Variants in FAM133B observed in about 807,000 individuals in gnomAD.
FAM133B encodes protein FAM133B.
FAM133B carries 25 observed loss-of-function variants against 46.4 expected under a neutral mutation model. The ratio of observed to expected loss-of-function variants is 0.54; its 90% confidence interval spans 0.39 to 0.75. The LOEUF (loss-of-function observed/expected upper bound fraction) is 0.75. FAM133B is among the 30% of genes least tolerant of loss of function. The pLI, the probability that FAM133B is intolerant of heterozygous loss-of-function variation, is 0.00. For missense variants in FAM133B, 205 were observed against 277.6 expected (o/e 0.74, Z 1.86); for synonymous variants, 75 against 86.0 (o/e 0.87, Z 0.71).
intron 9 of FAM133B, among the ~76,000 whole-genome samples, chr7:92,567,633 C>T (rs1427464035): frequency 6.6e-6 from 1 of 152,196 alleles, no homozygotes. Flanking sequence ...AGCAGATGTA[C>T]TACATCTATA....
intron 1 of FAM133B, among the ~76,000 whole-genome samples, chr7:92,585,838 A>G (rs1023446778): frequency 2.6e-5 from 4 of 152,248 alleles, no homozygotes; most frequent in African/African-American, 7.2e-5. Context: ...CGTAAACATT[A>G]TTATAGTAAT....
In FAM133B at chr7:92,579,330, TC is replaced by T; in HGVS notation, c.187del (p.Glu63LysfsTer3). On this transcript the variant is annotated frameshift_variant, in exon 3 of 11. Coordinates refer to ENST00000445716, the MANE Select transcript of FAM133B (RefSeq NM_152789.4). LOFTEE classifies it high-confidence loss of function. ...CTTTTTACAAACCTCATTCATTTTT[TC>T]TTCAAATTCAGCCAAAGCCTTGGAG... ...KGSKALAEFE[E>X]KMNENWKKEL... 6.2e-7 allele frequency: 1 copy of T among 1,609,622 alleles called. No individual in the cohort carries two copies.
chr7:92,579,213 C>G, intron 3 of FAM133B, 104 bp downstream of exon 3: 1 of 912,362 alleles, frequency 1.1e-6, no homozygotes, highest in South Asian at 1.6e-5. Flanking sequence ...TGGTCATGAA[C>G]TCCTGGCCTC....
At position 92,566,061 on chromosome 7, in the gene FAM133B, C is replaced by G. The variant is rs781392045; in HGVS notation, c.610G>C (p.Val204Leu). The change falls in exon 10 of 11, where the codon GTG (valine) becomes CTG (leucine). Residue 204 changes from valine to leucine, a missense_variant and splice_region_variant. Physicochemically the swap from Val to Leu is conservative, Grantham distance 32. Coordinates refer to ENST00000445716, the MANE Select transcript of FAM133B (RefSeq NM_152789.4). ...CTGCTTTTCTTCTTTTTTGCTCGCACCTAGAAAGTTTAAATTTTTGTGGAG... is the reference window on the plus strand; with the variant it reads ...CTGCTTTTCTTCTTTTTTGCTCGCAGCTAGAAAGTTTAAATTTTTGTGGAG... ...SLSESEYIEE[V>L]RAKKKKSSEE... 6.2e-7 allele frequency: 1 copy of G among 1,613,400 alleles called. No individual in the cohort carries two copies.
chr7:92,587,973 CT>C (rs932483504), intron 1 of FAM133B, among the ~76,000 whole-genome samples: 1 of 151,182 alleles, frequency 6.6e-6, no homozygotes, highest in African/African-American at 2.4e-5. Context: ...ACTAAAAATG[CT>C]TAAAAAAAAA....
At position 92,590,365 on chromosome 7, in the gene FAM133B, A is replaced by C; in HGVS notation, c.-74T>G. ...GAGACTGCCGAAGAGGGCCTGCCGC[A>C]GGTCCTCTTGCCGCCTCCCCACTCC... On this transcript the variant is annotated 5_prime_UTR_variant, in exon 1 of 11. Transcript: ENST00000445716. The C allele has an allele frequency of 6.2e-7, 1 of 1,606,816 alleles. No individual in the cohort carries two copies. Among genetic ancestry groups the C allele is most frequent in the Non-Finnish European group, 8.5e-7 (1 of 1,176,454 alleles).
intron 8 of FAM133B, among the ~76,000 whole-genome samples, chr7:92,572,852 T>C (rs552818161): frequency 1.3e-5 from 2 of 152,190 alleles, no homozygotes; most frequent in African/African-American, 2.4e-5. Context: ...GGAGAAATAA[T>C]TGTGGTGGAT....
intron 1 of FAM133B, chr7:92,581,926 A>G (rs1378056589): frequency 4.9e-6 from 1 of 204,464 alleles, no homozygotes; most frequent in Non-Finnish European, 9.9e-6. Context: ...TGTGAGGGTG[A>G]TAACAGTATG....
intron 10 of FAM133B, among the ~76,000 whole-genome samples, chr7:92,562,581 A>C (rs1362000684): frequency 6.6e-6 from 1 of 152,230 alleles, no homozygotes; most frequent in Non-Finnish European, 1.5e-5. Context: ...GAAACTCTTA[A>C]GTCATTAGCA....
intron 10 of FAM133B, among the ~76,000 whole-genome samples, chr7:92,563,770 G>C (rs1389826886): frequency 6.6e-6 from 1 of 152,094 alleles, no homozygotes; most frequent in East Asian, 1.9e-4. Flanking sequence ...CTGTCATTTT[G>C]CTTAGGTCAA....
chr7:92,578,452 TAC>T (rs1794767994), intron 3 of FAM133B, 59 bp from the exon 4 acceptor site: 3 of 1,420,122 alleles, frequency 2.1e-6, no homozygotes, highest in Admixed American at 3.7e-5. Context: ...ACACCTAATA[TAC>T]AGAGACAGCC....
At chr7:92,584,834 T>C (rs1794994445) in intron 1 of FAM133B, among the ~76,000 whole-genome samples, 1 of 152,078 alleles carries the variant, frequency 6.6e-6, no homozygotes, top group Non-Finnish European at 1.5e-5. Context: ...TTCAACACAG[T>C]TAAGTTGGGC....
At chr7:92,577,535 T>C in intron 6 of FAM133B, 120 bp downstream of exon 6, 1 of 751,722 alleles carries the variant, frequency 1.3e-6, no homozygotes, top group Non-Finnish European at 2.0e-6. Context: ...CTCTAAGTTA[T>C]GGATAATTAA....
intron 7 of FAM133B, among the ~76,000 whole-genome samples, chr7:92,576,823 T>G (rs953306403): frequency 1.3e-5 from 2 of 152,242 alleles, no homozygotes; most frequent in Admixed American, 1.3e-4. Context: ...TGTATCATTT[T>G]AAGCCAATGC....
intron 2 of FAM133B, among the ~76,000 whole-genome samples, chr7:92,581,010 T>C (rs1336972623): frequency 2.0e-5 from 3 of 152,216 alleles, no homozygotes; most frequent in African/African-American, 7.2e-5. Context: ...GCCTGTTGTA[T>C]GTTGTCTCAG....
At chr7:92,585,424 T>A (rs945316462) in intron 1 of FAM133B, 2 of 926,168 alleles carry the variant, frequency 2.2e-6, no homozygotes, top group African/African-American at 3.6e-5. Flanking sequence ...CAGGTTAGAA[T>A]TGTAAAAACT....
chr7:92,578,202 C>T lies in FAM133B; in HGVS notation c.277-20G>A. On this transcript the variant is annotated intron_variant, in intron 4 of 10. Coordinates refer to ENST00000445716, the MANE Select transcript of FAM133B (RefSeq NM_152789.4). ...CTTTCTCTAAATGGAAACAAAAGTA[C>T]AAGTCTAAATAAGCTGATGTGAGTT... 6.2e-7 allele frequency: 1 copy of T among 1,611,454 alleles called. No individual in the cohort carries two copies.
intron 8 of FAM133B, among the ~76,000 whole-genome samples, chr7:92,570,229 T>G (rs922987757): frequency 4.6e-5 from 7 of 152,144 alleles, no homozygotes; most frequent in Admixed American, 2.6e-4. Context: ...GTATTCTAAT[T>G]CTTTTGTTTC....
At chr7:92,573,618 A>G (rs776815668) in intron 8 of FAM133B, among the ~76,000 whole-genome samples, 3 of 151,892 alleles carry the variant, frequency 2.0e-5, no homozygotes, top group Non-Finnish European at 4.4e-5. Context: ...TTCAGTTTTA[A>G]TATTTCATGT....
Sources: gnomAD v4.1 joint callset for allele counts (sites outside exome capture counted in the v4.1 genomes callset) on GRCh38, gnomAD v4.1.1 for gene constraint, MANE v1.5 for transcripts, NCBI Gene and HGNC (gene_info 2026-07-23, HGNC 2026-07-21) for gene names.